The following EHD3 variants were observed in gnomAD, a reference collection of about 807,000 sequenced individuals.
EHD3 encodes the protein EH domain containing 3.
EHD3 carries 17 observed loss-of-function variants against 43.0 expected under a neutral mutation model. The ratio of observed to expected loss-of-function variants is 0.40; its 90% confidence interval spans 0.27 to 0.59. The LOEUF is 0.59. EHD3 is among the 20% of genes least tolerant of loss of function. EHD3 has a pLI of 0.49. For missense variants in EHD3, 594 were observed against 705.6 expected, an observed-to-expected ratio of 0.84 and a Z score of 1.79; for synonymous variants, 313 against 289.5, an observed-to-expected ratio of 1.08 and a Z score of -0.82.
At chr2:31,244,922 A>G (rs939707922) in intron 2 of EHD3, among the ~76,000 whole-genome samples, 11 of 152,188 alleles carry the variant, frequency 7.2e-5, no homozygotes, top group African/African-American at 2.4e-4. Flanking sequence ...ACTAAATTGA[A>G]TGACCTTGCA....
Position 31,267,630 on chromosome 2 carries a change from G to A in EHD3, c.*926G>A, listed in dbSNP as rs1218163896. ...TTGAGGAGGCTGAGTAGCCTCAGAA[G>A]GGTTTAGGCGACCTTCTGAAACTCA... is the stretch of plus-strand genomic sequence containing the variant. On this transcript the variant is annotated 3_prime_UTR_variant, in exon 6 of 6. Transcript: ENST00000322054. The A allele has an allele frequency of 1.3e-5, 2 of 152,620 alleles. No individual in the cohort carries two copies. Among genetic ancestry groups the A allele is most frequent in the Non-Finnish European group, 2.9e-5 (2 of 68,042 alleles). The allele number at this position is 152,620 out of a possible 1,614,324, so 9.5% of individuals were successfully genotyped here.
At chr2:31,237,121 A>G (rs1683339449) in intron 1 of EHD3, among the ~76,000 whole-genome samples, 1 of 152,158 alleles carries the variant, frequency 6.6e-6, no homozygotes, top group African/African-American at 2.4e-5. Context: ...GAGGGGTCAT[A>G]CCACAGGGAA....
rs977945348 is a variant in EHD3, at chr2:31,260,833, C to A, written c.826C>A (p.Gln276Lys). ...CCGGAAGCTCTTTGAGGCTGAGGAA[C>A]AGGACCTATTCAGGGACATCCAGAG... ...DNRKLFEAEEQDLFRDIQSLP... is the reference protein window; with the variant it reads ...DNRKLFEAEEKDLFRDIQSLP... Residue 276 changes from glutamine to lysine, a missense_variant, in exon 4 of 6, where the codon CAG (glutamine) becomes AAG (lysine). By Grantham distance (53) the Gln-to-Lys change is moderately conservative. Coordinates refer to ENST00000322054, the MANE Select transcript of EHD3 (RefSeq NM_014600.3). This position sits in a 1 kb window ranked among gnomAD's most constrained non-coding sequence, Gnocchi z 4.6. 34 of 1,614,216 alleles carry A rather than the reference C, an allele frequency of 2.1e-5. No homozygotes were observed. Among genetic ancestry groups the A allele is most frequent in the Non-Finnish European group, 2.9e-5 (34 of 1,180,046 alleles).
intron 3 of EHD3, among the ~76,000 whole-genome samples, chr2:31,250,363 T>G (rs1683612322): frequency 1.3e-5 from 2 of 149,752 alleles, no homozygotes; most frequent in Admixed American, 6.7e-5. Context: ...GCCTCCCGGG[T>G]TCAAGCGATT....
rs139542048 is a variant in EHD3, at chr2:31,260,522, C to A, written c.515C>A (p.Ala172Glu). Residue 172 changes from alanine to glutamate, a missense_variant, in exon 4 of 6, where the codon GCA becomes GAA. Physicochemically the swap from Ala to Glu is moderately radical, Grantham distance 107. Transcript: ENST00000322054. This position sits in a 1 kb window ranked among gnomAD's most constrained non-coding sequence, Gnocchi z 4.6. ...KQRISRGYDF[A>E]AVLEWFAERV... ...CCTCTGCCGGCAGGGTATGACTTTG[C>A]AGCTGTCCTTGAGTGGTTTGCCGAG... is the stretch of plus-strand genomic sequence containing the variant. The A allele has an allele frequency of 1.2e-6, 2 of 1,602,808 alleles. No homozygotes were observed. The highest frequency in any genetic ancestry group is 1.7e-6 in the Non-Finnish European group (2 of 1,172,432).
rs1683963503 is a variant in EHD3, at chr2:31,266,821, T to C, written c.*117T>C. The C allele has an allele frequency of 5.4e-6, 7 of 1,285,440 alleles. No homozygotes were observed. The highest frequency in any genetic ancestry group is 7.3e-6 in the Non-Finnish European group (7 of 955,058). 79.6% of individuals were successfully genotyped at this position (1,285,440 alleles called of 1,614,324 possible). On this transcript the variant is annotated 3_prime_UTR_variant, in exon 6 of 6. Coordinates refer to ENST00000322054, the MANE Select transcript of EHD3 (RefSeq NM_014600.3). The surrounding 1 kb of genome is among the most constrained non-coding windows in gnomAD (Gnocchi z 5.1). ...ACATGCACACACACATATGCATATC[T>C]TGACATTGCTCTGTAGGTGAGAGAG...
chr2:31,266,154 A>G lies in EHD3; in HGVS notation c.1081-23A>G, dbSNP rs774035626. On this transcript the variant is annotated intron_variant, in intron 5 of 5. Transcript: ENST00000322054. The surrounding 1 kb of genome is among the most constrained non-coding windows in gnomAD (Gnocchi z 5.1). ...TCTCCTTTCATCGTATCCTATCTTC[A>G]TCCTCTCTCCTCCTCTTCCCAGGAC... 5 of 1,591,732 alleles carry G rather than the reference A, an allele frequency of 3.1e-6. No individual in the cohort carries two copies. The highest frequency in any genetic ancestry group is 4.3e-6 in the Non-Finnish European group (5 of 1,166,500).
chr2:31,259,200 G>A (rs757060110), intron 3 of EHD3, among the ~76,000 whole-genome samples: 17 of 152,138 alleles, frequency 1.1e-4, no homozygotes, highest in Non-Finnish European at 2.1e-4. Flanking sequence ...GGTATGCCAC[G>A]GGGGAGTGGC....
At chr2:31,248,949 A>G (rs1305532216) in intron 2 of EHD3, among the ~76,000 whole-genome samples, 1 of 152,132 alleles carries the variant, frequency 6.6e-6, no homozygotes, top group African/African-American at 2.4e-5. Context: ...CTCATTGGCT[A>G]TCTAAAGAAG....
intron 5 of EHD3, among the ~76,000 whole-genome samples, chr2:31,263,950 G>A (rs1189791463): frequency 1.3e-5 from 2 of 152,238 alleles, no homozygotes; most frequent in Admixed American, 6.5e-5. Context: ...ATGGTGTGGT[G>A]TGGGTTGTCA....
In EHD3 at chr2:31,249,224, C is replaced by T. The variant is rs563695445; in HGVS notation, c.405-147C>T. 3.4e-4 allele frequency: 240 copies of T among 696,896 alleles called. 4 individuals carry two copies. In the South Asian group the frequency reaches 4.3e-3, roughly 12 times the overall value. The allele number at this position is 696,896 out of a possible 1,614,324, so 43.2% of individuals were successfully genotyped here. A position where few individuals can be genotyped will look rare whatever the true frequency, so the allele number is the denominator to read the frequency against. On this transcript the variant is annotated intron_variant, in intron 2 of 5. Coordinates refer to ENST00000322054, the MANE Select transcript of EHD3 (RefSeq NM_014600.3). ...AGCCCCGGGTCAGCTGTCAGCCACA[C>T]CCTGAACTGGGCAAGTCCATGGTGA...
chr2:31,252,500 G>C (rs924976632), intron 3 of EHD3, among the ~76,000 whole-genome samples: 3 of 152,174 alleles, frequency 2.0e-5, no homozygotes, highest in Middle Eastern at 3.2e-3. Flanking sequence ...TTTTGAGACG[G>C]AGTCTCGCTC....
intron 5 of EHD3, among the ~76,000 whole-genome samples, chr2:31,262,672 G>A (rs1451974696): frequency 6.6e-6 from 1 of 152,212 alleles, no homozygotes; most frequent in Non-Finnish European, 1.5e-5. Flanking sequence ...AATCCCAGCA[G>A]TTTGGGAAGC....
At position 31,261,522 on chromosome 2, in the gene EHD3, AGGCTTCTCTCT is replaced by A. The variant is rs1683856236; in HGVS notation, c.916-23_916-13del. The A allele has an allele frequency of 1.2e-6, 2 of 1,613,344 alleles. No individual in the cohort carries two copies. Among genetic ancestry groups the A allele is most frequent in the East Asian group, 4.5e-5 (2 of 44,864 alleles). ...GGGACCGTCCAGGGTCTTGATGTGA[AGGCTTCTCTCT>A]GGCCCTGTTTGTCAGGTCCACGCCT... is the stretch of plus-strand genomic sequence containing the variant. On this transcript the variant is annotated splice_polypyrimidine_tract_variant and intron_variant, in intron 4 of 5. Transcript: ENST00000322054.
chr2:31,261,571 C>T lies in EHD3; in HGVS notation c.938C>T (p.Ser313Phe). Reference protein sequence around the residue: ...LAKVHAYIISSLKKEMPSVFG... With the variant: ...LAKVHAYIISFLKKEMPSVFG... ...CAGGTCCACGCCTACATCATCAGCT[C>T]TCTGAAGAAGGAGATGCCCTCGGTG... The change falls in exon 5 of 6, where the codon TCT (serine) becomes TTT (phenylalanine). Residue 313 changes from serine (S) to phenylalanine (F), a missense_variant. Ser to Phe is a radical substitution (Grantham distance 155). Around this residue, in one of 3 missense-constraint regions of EHD3, gnomAD observed 322 missense variants for 348.0 expected, o/e 0.93. Coordinates refer to ENST00000322054, the MANE Select transcript of EHD3 (RefSeq NM_014600.3). The T allele has an allele frequency of 6.2e-7, 1 of 1,614,224 alleles. No homozygotes were observed. Among genetic ancestry groups the T allele is most frequent in the South Asian group, 1.1e-5 (1 of 91,086 alleles).
chr2:31,252,536 G>A (rs1218548127), intron 3 of EHD3, among the ~76,000 whole-genome samples: 5 of 152,322 alleles, frequency 3.3e-5, no homozygotes, highest in Admixed American at 6.5e-5. Context: ...CTGCAATGGC[G>A]TAATCTCGGC....
rs866195405 is a variant in EHD3, at chr2:31,234,557, G to A, written c.-65G>A. On this transcript the variant is annotated 5_prime_UTR_variant, in exon 1 of 6. Transcript: ENST00000322054. ...CGGAGCCCGGCGGACCGGTCCTACGGGACATCTTCCCCTGAGGAGGAGTCT... is the reference window on the plus strand; with the variant it reads ...CGGAGCCCGGCGGACCGGTCCTACGAGACATCTTCCCCTGAGGAGGAGTCT... The A allele has an allele frequency of 2.9e-5, 45 of 1,576,318 alleles. No individual in the cohort carries two copies. In the Middle Eastern group the frequency reaches 5.0e-4, roughly 18 times the overall value.
rs1357136317 is a variant in EHD3 at position 31,249,440 on chromosome 2, C to G, written c.474C>G (p.Leu158=). The G allele has an allele frequency of 3.1e-6, 5 of 1,614,036 alleles. No homozygotes were observed. In the Admixed American group the frequency reaches 6.7e-5, roughly 22 times the overall value. ...SISVIDTPGI[L]SGEKQRISRG... ...GCGTCATCGACACACCAGGGATCCT[C>G]TCTGGGGAGAAGCAGAGGATCAGCC... Residue 158 remains leucine, a synonymous_variant, in exon 3 of 6, where the codon CTC becomes CTG. Transcript: ENST00000322054.
At chr2:31,239,363 G>T (rs548340674) in intron 1 of EHD3, among the ~76,000 whole-genome samples, 2 of 152,196 alleles carry the variant, frequency 1.3e-5, no homozygotes, top group Non-Finnish European at 2.9e-5. Context: ...CTCTAAAGGG[G>T]CCTGGGTGAA....
Sources: allele counts gnomAD v4.1 joint callset (sites outside exome capture counted in the v4.1 genomes callset), GRCh38; gene constraint gnomAD v4.1.1; regional missense constraint gnomAD v4.1.1; non-coding constraint Gnocchi (gnomAD v3.1); transcripts MANE v1.5; gene names NCBI Gene and HGNC (gene_info 2026-07-23, HGNC 2026-07-21).